Variants in EPG5 observed in about 807,000 individuals in gnomAD.
EPG5 encodes the protein ectopic P granules protein 5 homolog.
In EPG5, 159 loss-of-function variants were observed where a neutral mutation model predicts 302.7. That is an observed-to-expected ratio of 0.53 (90% CI 0.46 to 0.60). The LOEUF (loss-of-function observed/expected upper bound fraction) is 0.60. Ranked by LOEUF, EPG5 falls within the 20% of genes least tolerant of loss-of-function variation. The pLI, the probability that EPG5 is intolerant of heterozygous loss-of-function variation, is 0.00. For missense variants in EPG5, 2,896 were observed against 3,092.4 expected, an observed-to-expected ratio of 0.94 and a Z score of 1.51; for synonymous variants, 1,158 against 1,136.8, an observed-to-expected ratio of 1.02 and a Z score of -0.37.
At chr18:45,907,919 CTA>C (rs2049794436) in intron 24 of EPG5, 37 bp downstream of exon 24, 2 of 1,135,918 alleles carry the variant, frequency 1.8e-6, no homozygotes, top group Non-Finnish European at 2.4e-6. Context: ...TTCAGATATG[CTA>C]AAAAAAAAAA....
chr18:45,837,588 C>T, the EPG5 span: 1 of 1,513,528 alleles, frequency 6.6e-7, no homozygotes, highest in Non-Finnish European at 8.8e-7. Context: ...GCAGTGCTGC[C>T]CTGCACCTTC....
intron 31 of EPG5, among the ~76,000 whole-genome samples, chr18:45,880,487 G>A (rs531536163): frequency 2.0e-5 from 3 of 152,282 alleles, no homozygotes; most frequent in African/African-American, 7.2e-5. Flanking sequence ...ACTCAGAGGG[G>A]TGGGAGACCT....
chr18:45,951,051 A>G, intron 4 of EPG5, 51 bp downstream of exon 4: 1 of 1,376,480 alleles, frequency 7.3e-7, no homozygotes, highest in Non-Finnish European at 9.5e-7. Flanking sequence ...TAATTCCTAA[A>G]TTATGAAAGA....
intron 1 of EPG5, among the ~76,000 whole-genome samples, chr18:45,958,575 G>A (rs143542754): frequency 6.6e-6 from 1 of 152,250 alleles, no homozygotes; most frequent in East Asian, 1.9e-4. Context: ...GGGGAAATTT[G>A]AACAAATGGT....
intron 2 of EPG5, chr18:45,953,779 T>A (rs756837809): frequency 3.0e-6 from 3 of 985,376 alleles, no homozygotes; most frequent in Non-Finnish European, 3.6e-6. Context: ...ATCCTGGAGC[T>A]AGGAATCAGT....
At chr18:45,917,513 C>T (rs770123178) in intron 17 of EPG5, among the ~76,000 whole-genome samples, 166 bp downstream of exon 17, 1 of 152,216 alleles carries the variant, frequency 6.6e-6, no homozygotes, top group Non-Finnish European at 1.5e-5. Context: ...ATTAGAATCA[C>T]TGTTCATCAA....
intron 28 of EPG5, 128 bp downstream of exon 28, chr18:45,889,670 T>C: frequency 2.8e-6 from 2 of 713,142 alleles, no homozygotes; most frequent in Non-Finnish European, 4.2e-6. Context: ...TCAAAGGCCG[T>C]AGTTTGCTGA....
At chr18:45,878,569 T>C in intron 33 of EPG5, 121 bp from the exon 34 acceptor site, 1 of 653,662 alleles carries the variant, frequency 1.5e-6, no homozygotes, top group Admixed American at 2.8e-5. Context: ...TGTTAATGTA[T>C]AAACAACATG....
the EPG5 span, among the ~76,000 whole-genome samples, chr18:45,807,624 G>C: frequency 2.6e-5 from 4 of 152,150 alleles, no homozygotes; most frequent in Non-Finnish European, 5.9e-5. Context: ...GTCCTAAAGA[G>C]AGAAAACAAT....
At chr18:45,803,143 G>A in the EPG5 span, among the ~76,000 whole-genome samples, 105,276 of 152,114 alleles carry the variant, frequency 0.69, 36,899 homozygotes, top group East Asian at 0.92. Flanking sequence ...CATAATATCT[G>A]AAAACCTATC....
intron 10 of EPG5, among the ~76,000 whole-genome samples, chr18:45,936,545 T>C (rs1287905111): frequency 6.6e-6 from 1 of 151,948 alleles, no homozygotes; most frequent in Non-Finnish European, 1.5e-5. Flanking sequence ...TTGGCCAATA[T>C]AGTGAAACCC....
At chr18:45,836,585 G>A in the EPG5 span, among the ~76,000 whole-genome samples, 1 of 152,150 alleles carries the variant, frequency 6.6e-6, no homozygotes, top group Non-Finnish European at 1.5e-5. Context: ...CCAGACCCTG[G>A]CTCAACCACA....
At chr18:45,946,822 A>G (rs2050792897) in intron 6 of EPG5, 54 bp from the exon 7 acceptor site, 2 of 1,384,870 alleles carry the variant, frequency 1.4e-6, no homozygotes, top group African/African-American at 1.4e-5. Context: ...ACGTGAGTGC[A>G]TTGTGGATTC....
At chr18:45,869,923 G>A (rs570947052) in intron 36 of EPG5, among the ~76,000 whole-genome samples, 45 of 144,338 alleles carry the variant, frequency 3.1e-4, no homozygotes, top group African/African-American at 9.7e-4. Flanking sequence ...AGACAAGAGT[G>A]TAATTAAAAA....
At chr18:45,896,992 G>A (rs896862793) in intron 27 of EPG5, among the ~76,000 whole-genome samples, 1 of 152,144 alleles carries the variant, frequency 6.6e-6, no homozygotes, top group African/African-American at 2.4e-5. Flanking sequence ...TTTTAGAAAA[G>A]GTGTTTCTTT....
intron 43 of EPG5, among the ~76,000 whole-genome samples, chr18:45,853,813 C>G (rs1283000411): frequency 6.6e-6 from 1 of 152,230 alleles, no homozygotes; most frequent in Non-Finnish European, 1.5e-5. Flanking sequence ...TAGGAATCAA[C>G]TGGGACAGGC....
At chr18:45,965,935 C>A (rs1372446766) in intron 1 of EPG5, among the ~76,000 whole-genome samples, 2 of 151,874 alleles carry the variant, frequency 1.3e-5, no homozygotes, top group Admixed American at 6.6e-5. Context: ...TGCCTGTAAT[C>A]CCAGTTACTC....
At chr18:45,887,647 G>T in intron 29 of EPG5, 104 bp downstream of exon 29, 1 of 1,013,750 alleles carries the variant, frequency 9.9e-7, no homozygotes, top group Non-Finnish European at 1.3e-6. Context: ...GTAAGACTCT[G>T]AACCTGTAAT....
chr18:45,880,352 A>G (rs1369332654), intron 31 of EPG5, 129 bp from the exon 32 acceptor site: 3 of 896,770 alleles, frequency 3.3e-6, no homozygotes, highest in Non-Finnish European at 4.7e-6. Context: ...ACTCACAGGG[A>G]TATCTGGGGT....
Sources: allele counts gnomAD v4.1 joint callset (sites outside exome capture counted in the v4.1 genomes callset), GRCh38; gene constraint gnomAD v4.1.1; transcripts MANE v1.5; gene names NCBI Gene and HGNC (gene_info 2026-07-23, HGNC 2026-07-21).